The following LIPN variants were observed in gnomAD, a reference collection of about 807,000 sequenced individuals.
The protein encoded by LIPN is lipase member N.
In LIPN, 32 loss-of-function variants were observed where a neutral mutation model predicts 43.7. That is an observed-to-expected ratio of 0.73 (90% CI 0.55 to 0.98). The LOEUF is 0.98. LIPN is among the 50% of genes least tolerant of loss of function. The pLI, the probability that LIPN is intolerant of heterozygous loss-of-function variation, is 0.00. For missense variants in LIPN, 505 were observed against 483.8 expected (o/e 1.04, Z -0.41); for synonymous variants, 156 against 157.6 (o/e 0.99, Z 0.08).
At chr10:88,762,384 T>A in intron 3 of LIPN, 79 bp downstream of exon 3, 1 of 826,244 alleles carries the variant, frequency 1.2e-6, no homozygotes, top group Non-Finnish European at 2.0e-6. Context: ...TAGATATGCA[T>A]CAACAGAGTT....
rs71022539 is a variant in LIPN at position 88,761,718 on chromosome 10, G to GCTAT, written c.108+246_108+249dup. 0.13 allele frequency among the ~76,000 whole-genome samples: 18,750 copies of GCTAT among 145,758 alleles called. 1,450 individuals are homozygous for GCTAT. Among genetic ancestry groups the GCTAT allele is most frequent in the Non-Finnish European group, 0.17 (11,003 of 66,142 alleles). ...AATGAAAACCAAATTGTGCTATTGT[G>GCTAT]CTATCTATCTATCTATCTATCTATC... On this transcript the variant is annotated intron_variant, in intron 2 of 9. Coordinates refer to ENST00000404459, the MANE Select transcript of LIPN (RefSeq NM_001102469.2).
chr10:88,764,770 C>T (rs1843064872), intron 4 of LIPN, among the ~76,000 whole-genome samples, 162 bp downstream of exon 4: 3 of 151,976 alleles, frequency 2.0e-5, no homozygotes, highest in Admixed American at 2.0e-4. Context: ...TCTGATTTTT[C>T]ACTGATTCTC....
At chr10:88,772,027 T>C (rs76571449) in intron 7 of LIPN, among the ~76,000 whole-genome samples, 172 of 152,022 alleles carry the variant, frequency 1.1e-3, no homozygotes, top group African/African-American at 3.8e-3. Flanking sequence ...ACATTGTTTT[T>C]AATGTACCTC....
At chr10:88,768,453 G>C (rs1432548510) in intron 5 of LIPN, among the ~76,000 whole-genome samples, 1 of 151,884 alleles carries the variant, frequency 6.6e-6, no homozygotes, top group African/African-American at 2.4e-5. Context: ...CTCAGAGTTA[G>C]GGATGAAATG....
At chr10:88,764,688 C>A in intron 4 of LIPN, 80 bp downstream of exon 4, 1 of 1,024,652 alleles carries the variant, frequency 9.8e-7, no homozygotes, top group Non-Finnish European at 1.4e-6. Flanking sequence ...TAATGATTAT[C>A]TTTGACGCTT....
intron 1 of LIPN, among the ~76,000 whole-genome samples, 160 bp downstream of exon 1, chr10:88,760,266 C>A (rs1266197728): frequency 6.6e-6 from 1 of 151,848 alleles, no homozygotes; most frequent in Non-Finnish European, 1.5e-5. Flanking sequence ...TCTCTCTAAG[C>A]CTTTGTTTTT....
At chr10:88,774,435 T>G (rs1209773853) in intron 7 of LIPN, 38 bp from the exon 8 acceptor site, 2 of 1,466,464 alleles carry the variant, frequency 1.4e-6, no homozygotes, top group South Asian at 2.4e-5. Context: ...CAAAATTTTG[T>G]TGGGCAATTG....
rs933855944 is a variant in LIPN at position 88,778,019 on chromosome 10, C to T, written c.974C>T (p.Pro325Leu). ...NMKHYNQSHP[P>L]IYDLTAMKVP... ...CTTTCTCTCCCACAGAGTCATCCCC[C>T]TATATATGACCTGACTGCCATGAAA... is the stretch of plus-strand genomic sequence containing the variant. Residue 325 changes from proline to leucine, a missense_variant, in exon 10 of 10, where the codon CCT becomes CTT. Physicochemically the swap from Pro to Leu is moderately conservative, Grantham distance 98. Transcript: ENST00000404459. 2 of 1,609,098 alleles carry T rather than the reference C, an allele frequency of 1.2e-6. No homozygotes were observed. The highest frequency in any genetic ancestry group is 2.7e-5 in the African/African-American group (2 of 74,792).
intron 4 of LIPN, among the ~76,000 whole-genome samples, chr10:88,765,153 C>T (rs534538203): frequency 5.6e-4 from 85 of 152,048 alleles, no homozygotes; most frequent in African/African-American, 2.0e-3. Context: ...AGGAAAACTC[C>T]AATATTAGAT....
intron 2 of LIPN, among the ~76,000 whole-genome samples, chr10:88,761,775 C>A (rs1276670818): frequency 1.2e-5 from 1 of 80,444 alleles, no homozygotes; most frequent in Non-Finnish European, 2.1e-5. Flanking sequence ...ATCTATCTAT[C>A]TATTTATCTA....
At chr10:88,771,367 C>T (rs1256376583) in intron 7 of LIPN, among the ~76,000 whole-genome samples, 2 of 151,730 alleles carry the variant, frequency 1.3e-5, no homozygotes, top group South Asian at 2.1e-4. Flanking sequence ...GTCCTTCTAA[C>T]GGTATTTTGG....
rs1418044758 is a variant in LIPN, at chr10:88,779,117, A to G, written c.*875A>G. 2.0e-5 allele frequency among the ~76,000 whole-genome samples: 3 copies of G among 152,212 alleles called. No individual in the cohort carries two copies. The highest frequency in any genetic ancestry group is 7.2e-5 in the African/African-American group (3 of 41,464). Reference sequence around the variant, plus strand: ...TCCATCTTAAAAGCAATGAGAAGCCACCAAAATATTTTACCTAATGGAAAC... The same window carrying G: ...TCCATCTTAAAAGCAATGAGAAGCCGCCAAAATATTTTACCTAATGGAAAC... On this transcript the variant is annotated 3_prime_UTR_variant, in exon 10 of 10. Transcript: ENST00000404459.
intron 3 of LIPN, among the ~76,000 whole-genome samples, chr10:88,763,352 C>T (rs747879067): frequency 2.4e-4 from 37 of 151,862 alleles, no homozygotes; most frequent in Non-Finnish European, 2.2e-4. Flanking sequence ...TCTGGCAATC[C>T]CAGGCACATG....
At chr10:88,770,555 C>T (rs1405554980) in intron 6 of LIPN, among the ~76,000 whole-genome samples, 1 of 151,838 alleles carries the variant, frequency 6.6e-6, no homozygotes, top group East Asian at 1.9e-4. Flanking sequence ...TCTTCCTCAT[C>T]TGGAGACACA....
At chr10:88,762,731 C>G (rs969257382) in intron 3 of LIPN, among the ~76,000 whole-genome samples, 1 of 151,990 alleles carries the variant, frequency 6.6e-6, no homozygotes, top group East Asian at 1.9e-4. Context: ...AAGGGGCCTC[C>G]CTCTGCAGGA....
rs974261957 is a variant in LIPN, at chr10:88,778,418, G to A, written c.*176G>A. On this transcript the variant is annotated 3_prime_UTR_variant, in exon 10 of 10. Transcript: ENST00000404459. ...TTATGTTTAGAGACATCTTTGCATG[G>A]GACCATCTACAGGTCCTTATAAACA... is the stretch of plus-strand genomic sequence containing the variant. 6.6e-6 allele frequency among the ~76,000 whole-genome samples: 1 copy of A among 152,040 alleles called. No homozygotes were observed. Among genetic ancestry groups the A allele is most frequent in the Non-Finnish European group, 1.5e-5 (1 of 68,000 alleles).
chr10:88,764,711 C>T (rs1843063764), intron 4 of LIPN, 103 bp downstream of exon 4: 1 of 763,020 alleles, frequency 1.3e-6, no homozygotes, highest in African/African-American at 1.8e-5. Flanking sequence ...AGTCATATAG[C>T]TCCTTGTAGT....
At chr10:88,757,281 T>C (rs976180117), upstream of LIPN, among the ~76,000 whole-genome samples, 1 of 152,150 alleles carries the variant, frequency 6.6e-6, no homozygotes, top group African/African-American at 2.4e-5. Context: ...GATATAATTT[T>C]CCTCATATTC....
At position 88,778,215 on chromosome 10, in the gene LIPN, C is replaced by T. The variant is rs1439900885; in HGVS notation, c.1170C>T (p.Ile390=). ...LDAPQRMYSE[I]IALMKAYS The stretch of plus-strand genomic sequence containing the variant: ...CCCCTCAACGGATGTACAGTGAAAT[C>T]ATAGCTTTAATGAAGGCATATTCCT... The change falls in exon 10 of 10, where the codon ATC becomes ATT. Residue 390 remains isoleucine, a synonymous_variant. Coordinates refer to ENST00000404459, the MANE Select transcript of LIPN (RefSeq NM_001102469.2). 1.9e-6 allele frequency: 3 copies of T among 1,610,810 alleles called. No homozygotes were observed. Among genetic ancestry groups the T allele is most frequent in the Non-Finnish European group, 2.5e-6 (3 of 1,178,296 alleles).
Sources: allele counts gnomAD v4.1 joint callset (sites outside exome capture counted in the v4.1 genomes callset), GRCh38; gene constraint gnomAD v4.1.1; transcripts MANE v1.5; gene names NCBI Gene and HGNC (gene_info 2026-07-23, HGNC 2026-07-21).